CLIP4: variants seen among roughly 807,000 people sequenced by gnomAD.
The protein encoded by CLIP4 is CAP-Gly domain-containing linker protein 4.
CLIP4 carries 47 observed loss-of-function variants against 73.1 expected under a neutral mutation model. The ratio of observed to expected loss-of-function variants is 0.64; its 90% CI spans 0.51 to 0.82. The LOEUF (loss-of-function observed/expected upper bound fraction) is 0.82. Among genes scored for constraint, CLIP4 ranks in the 40% least tolerant of loss-of-function variants. The pLI is 0.00. For missense variants in CLIP4, 874 were observed against 852.9 expected (o/e 1.02, Z -0.31); for synonymous variants, 306 against 295.4 (o/e 1.04, Z -0.37).
intron 6 of CLIP4, among the ~76,000 whole-genome samples, chr2:29,140,602 G>GGTTCTA (rs1243041109): frequency 6.6e-6 from 1 of 152,126 alleles, no homozygotes. Flanking sequence ...CCCATTAATG[G>GGTTCTA]GATGGCTGGG....
At chr2:29,180,537 T>C (rs1443383104) in intron 15 of CLIP4, among the ~76,000 whole-genome samples, 3 of 152,222 alleles carry the variant, frequency 2.0e-5, no homozygotes, top group African/African-American at 4.8e-5. Context: ...CCTTTAACCG[T>C]AACTGGAGTT....
intron 13 of CLIP4, among the ~76,000 whole-genome samples, chr2:29,165,581 G>A (rs1042686351): frequency 2.0e-5 from 3 of 152,154 alleles, no homozygotes; most frequent in Non-Finnish European, 4.4e-5. Context: ...TAATTGGTTT[G>A]GGAGTAAAAT....
At chr2:29,150,924 T>A (rs1219397821) in intron 8 of CLIP4, among the ~76,000 whole-genome samples, 2 of 152,108 alleles carry the variant, frequency 1.3e-5, no homozygotes, top group African/African-American at 4.8e-5. Flanking sequence ...CTGGCCTGAT[T>A]TACTTTTCAT....
At chr2:29,121,758 G>A (rs1178117516) in intron 2 of CLIP4, among the ~76,000 whole-genome samples, 1 of 152,042 alleles carries the variant, frequency 6.6e-6, no homozygotes, top group Non-Finnish European at 1.5e-5. Flanking sequence ...GCATCATGAT[G>A]GATTTAGAGG....
At chr2:29,107,358 G>GTTTTGTTTTTTTTTTT (rs1668239932) in intron 1 of CLIP4, among the ~76,000 whole-genome samples, 5 of 65,352 alleles carry the variant, frequency 7.7e-5, no homozygotes, top group Non-Finnish European at 1.5e-4. Context: ...GAACATGATA[G>GTTTTGTTTTTTTTTTT]TTTTTTTTTT....
At chr2:29,145,870 CAG>C (rs1666129199) in intron 8 of CLIP4, among the ~76,000 whole-genome samples, 1 of 152,184 alleles carries the variant, frequency 6.6e-6, no homozygotes, top group East Asian at 1.9e-4. Context: ...TCAGTAGAGA[CAG>C]GGTTTCGCCA....
chr2:29,111,116 C>T (rs928452570), upstream of CLIP4, among the ~76,000 whole-genome samples: 2 of 152,200 alleles, frequency 1.3e-5, no homozygotes, highest in East Asian at 1.9e-4. Flanking sequence ...AGGGTGACTG[C>T]TGAGTCATAA....
In CLIP4 at chr2:29,133,103, G is replaced by A. The variant is rs141283025; in HGVS notation, c.368-552G>A. 9.2e-5 allele frequency among the ~76,000 whole-genome samples: 14 copies of A among 152,266 alleles called. No homozygotes were observed. The East Asian group carries it at 1.2e-3, about 13-fold the overall frequency. ...CTTGCGAGGCCGAGGTGGGAGGATCGTGTAAGCCCAGTAGTTGAGGGTTGG... is the reference window on the plus strand; with the variant it reads ...CTTGCGAGGCCGAGGTGGGAGGATCATGTAAGCCCAGTAGTTGAGGGTTGG... On this transcript the variant is annotated intron_variant, in intron 4 of 15. Transcript: ENST00000320081.
intron 9 of CLIP4, among the ~76,000 whole-genome samples, chr2:29,155,213 A>C (rs1387335001): frequency 6.6e-6 from 1 of 152,204 alleles, no homozygotes; most frequent in African/African-American, 2.4e-5. Flanking sequence ...CAGGAGGATC[A>C]CTTGAGTCCA....
chr2:29,161,324 G>C (rs1057246990), intron 12 of CLIP4, among the ~76,000 whole-genome samples: 13 of 152,030 alleles, frequency 8.6e-5, no homozygotes, highest in African/African-American at 2.2e-4. Context: ...ACAGAAGTCG[G>C]TTGAACAAAA....
At chr2:29,104,764 A>G (rs1326055275) in intron 1 of CLIP4, among the ~76,000 whole-genome samples, 4 of 152,234 alleles carry the variant, frequency 2.6e-5, no homozygotes, top group African/African-American at 9.6e-5. Flanking sequence ...GCTATCAGCA[A>G]CAATGCCTCT....
Position 29,145,356 on chromosome 2 carries a change from C to T in CLIP4, c.1010C>T (p.Ala337Val), listed in dbSNP as rs772046312. The T allele has an allele frequency of 6.2e-7, 1 of 1,607,828 alleles. No individual in the cohort carries two copies. The highest frequency in any genetic ancestry group is 8.5e-7 in the Non-Finnish European group (1 of 1,175,348). ...GGAAAAGTCCAGTACTTTAAATGTG[C>T]CCCCAAGTATGGTAAGGTTGATATT... Reference protein sequence around the residue: ...SVGKVQYFKCAPKYGIFAPLS... With the variant: ...SVGKVQYFKCVPKYGIFAPLS... Residue 337 changes from alanine (A) to valine (V), a missense_variant, in exon 8 of 16, where the codon GCC (alanine) becomes GTC (valine). Ala to Val is a moderately conservative substitution (Grantham distance 64). Coordinates refer to ENST00000320081, the MANE Select transcript of CLIP4 (RefSeq NM_024692.6).
chr2:29,121,504 C>T lies in CLIP4; in HGVS notation c.116C>T (p.Pro39Leu). The change falls in exon 2 of 16, where the codon CCA becomes CTA. Residue 39 changes from proline to leucine, a missense_variant. Transcript: ENST00000320081. Reference sequence around the variant, plus strand: ...GTTATCTTTTCCATTTCTGCAGCACCAATGCCTTCAGACTGTGGTATGTGA... The same window carrying T: ...GTTATCTTTTCCATTTCTGCAGCACTAATGCCTTCAGACTGTGGTATGTGA... Reference protein sequence around the residue: ...TPVIFSISAAPMPSDCEFSFF... With the variant: ...TPVIFSISAALMPSDCEFSFF... The T allele has an allele frequency of 6.2e-7, 1 of 1,613,604 alleles. No individual in the cohort carries two copies. The highest frequency in any genetic ancestry group is 8.5e-7 in the Non-Finnish European group (1 of 1,179,808).
intron 14 of CLIP4, among the ~76,000 whole-genome samples, chr2:29,173,342 A>G (rs1049355847): frequency 2.6e-5 from 4 of 152,206 alleles, no homozygotes; most frequent in Admixed American, 6.5e-5. Context: ...TCTTCATCTG[A>G]ACGGTGTTTC....
intron 8 of CLIP4, among the ~76,000 whole-genome samples, chr2:29,149,893 G>T (rs544592658): frequency 6.6e-6 from 1 of 152,104 alleles, no homozygotes; most frequent in South Asian, 2.1e-4. Context: ...ATTTATTATT[G>T]ATAGTGAAGT....
In CLIP4 at chr2:29,143,881, G is replaced by A. The variant is rs778362993; in HGVS notation, c.821G>A (p.Gly274Asp). ...CTCCCAAATTATGATCATGTCACTG[G>A]CAAGGCAATGCTTACGTCACTTGGC... Reference protein sequence around the residue: ...AMLPNYDHVTGKAMLTSLGLK... With the variant: ...AMLPNYDHVTDKAMLTSLGLK... Residue 274 changes from glycine (G) to aspartate (D), a missense_variant, in exon 7 of 16, where the codon GGC (glycine) becomes GAC (aspartate). Gly to Asp is a moderately conservative substitution (Grantham distance 94). Coordinates refer to ENST00000320081, the MANE Select transcript of CLIP4 (RefSeq NM_024692.6). 107 of 1,614,020 alleles carry A rather than the reference G, an allele frequency of 6.6e-5. No individual in the cohort carries two copies. The highest frequency in any genetic ancestry group is 8.6e-5 in the Non-Finnish European group (101 of 1,180,018).
chr2:29,164,449 A>G (rs867706857), intron 13 of CLIP4, among the ~76,000 whole-genome samples: 2 of 152,206 alleles, frequency 1.3e-5, no homozygotes, highest in Non-Finnish European at 2.9e-5. Context: ...GGATTTTTAT[A>G]TAATATATCT....
At chr2:29,102,783 G>A (rs1420412202) in intron 1 of CLIP4, among the ~76,000 whole-genome samples, 8 of 151,954 alleles carry the variant, frequency 5.3e-5, no homozygotes, top group East Asian at 3.9e-4. Context: ...CCACCACCAC[G>A]CCCAGCTAAT....
intron 9 of CLIP4, among the ~76,000 whole-genome samples, chr2:29,154,542 G>C (rs748995872): frequency 6.6e-6 from 1 of 152,150 alleles, no homozygotes; most frequent in Non-Finnish European, 1.5e-5. Flanking sequence ...GGCACAATCA[G>C]TCTCAGGATT....
Sources: allele counts gnomAD v4.1 joint callset (sites outside exome capture counted in the v4.1 genomes callset), GRCh38; gene constraint gnomAD v4.1.1; transcripts MANE v1.5; gene names NCBI Gene and HGNC (gene_info 2026-07-23, HGNC 2026-07-21).